The following ARFGEF1 variants were observed in gnomAD, a reference collection of about 807,000 sequenced individuals.
The protein encoded by ARFGEF1 is brefeldin A-inhibited guanine nucleotide-exchange protein 1.
Under a neutral mutation model 231.0 loss-of-function variants are expected in ARFGEF1, and 42 were observed. That is an observed-to-expected ratio of 0.18 (90% confidence interval 0.14 to 0.24). The LOEUF (loss-of-function observed/expected upper bound fraction) is 0.24, where lower values mean the gene tolerates loss of function less well. Among genes scored for constraint, ARFGEF1 ranks in the 10% least tolerant of loss-of-function variants. The pLI, the probability that ARFGEF1 is intolerant of heterozygous loss-of-function variation, is 1.00. For synonymous variants in ARFGEF1, 710 were observed against 732.3 expected, an observed-to-expected ratio of 0.97 and a Z score of 0.49; for missense variants, 1,345 against 2,192.0, an observed-to-expected ratio of 0.61 and a Z score of 7.72.
Position 67,299,315 on chromosome 8 carries a change from T to C in ARFGEF1, c.353A>G (p.Asp118Gly), listed in dbSNP as rs1293933334. ...TAATTTTTTGCCTGGTGTTGTACTA[T>C]CTGGAGCATTGCCAGTCAAGTGCCC... ...AYGHLTGNAPDSTTPGKKLID... is the reference protein window; with the variant it reads ...AYGHLTGNAPGSTTPGKKLID... The change falls in exon 4 of 39, where the codon GAT becomes GGT. Residue 118 changes from aspartate (D) to glycine (G), a missense_variant. Transcript: ENST00000262215. 8 of 1,608,528 alleles carry C rather than the reference T, an allele frequency of 5.0e-6. No homozygotes were observed. The highest frequency in any genetic ancestry group is 1.7e-5 in the Admixed American group (1 of 58,586).
intron 5 of ARFGEF1, among the ~76,000 whole-genome samples, chr8:67,186,220 T>C (rs1834532810): frequency 1.3e-5 from 2 of 152,218 alleles, no homozygotes; most frequent in Non-Finnish European, 2.9e-5. Context: ...CTGTGTTTGA[T>C]AAATGTTGTC....
chr8:67,211,712 C>T (rs1838758995), intron 33 of ARFGEF1, 97 bp from the exon 34 acceptor site: 6 of 678,284 alleles, frequency 8.8e-6, no homozygotes, highest in Admixed American at 4.1e-5. Context: ...ATATTATGTC[C>T]CTATGAAAAT....
At chr8:67,342,325 TGCTGCGG>T (rs1808676093) in intron 1 of ARFGEF1, among the ~76,000 whole-genome samples, 1 of 152,224 alleles carries the variant, frequency 6.6e-6, no homozygotes. Context: ...GGATTTTCCC[TGCTGCGG>T]GCTTCATTAC....
At chr8:67,301,500 T>A (rs1806488057) in intron 2 of ARFGEF1, 120 bp from the exon 3 acceptor site, 2 of 1,085,986 alleles carry the variant, frequency 1.8e-6, no homozygotes, top group Admixed American at 3.1e-5. Context: ...TCCTCTATCT[T>A]CCCATATTTC....
intron 1 of ARFGEF1, among the ~76,000 whole-genome samples, chr8:67,336,994 C>T (rs1035733601): frequency 2.0e-5 from 3 of 151,916 alleles, no homozygotes; most frequent in Admixed American, 1.3e-4. Flanking sequence ...CAGCCGGGCG[C>T]GGTAGCGCTA....
At chr8:67,200,576 G>T in intron 37 of ARFGEF1, 63 bp from the exon 38 acceptor site, 3 of 993,872 alleles carry the variant, frequency 3.0e-6, no homozygotes, top group Non-Finnish European at 4.6e-6. Flanking sequence ...TATTCACCGA[G>T]AAAGAGCAAT....
intron 1 of ARFGEF1, among the ~76,000 whole-genome samples, chr8:67,315,917 G>A (rs1310054613): frequency 6.6e-6 from 1 of 150,990 alleles, no homozygotes; most frequent in Middle Eastern, 3.2e-3. Flanking sequence ...TAAGAAACTA[G>A]GAAAAGCAGC....
At chr8:67,264,502 G>A (rs1333748292) in intron 14 of ARFGEF1, among the ~76,000 whole-genome samples, 2 of 152,038 alleles carry the variant, frequency 1.3e-5, no homozygotes, top group East Asian at 1.9e-4. Flanking sequence ...TTTTGGGTAG[G>A]AGAACTAAGG....
intron 29 of ARFGEF1, among the ~76,000 whole-genome samples, chr8:67,221,646 T>G (rs1839165466): frequency 1.3e-5 from 2 of 152,130 alleles, no homozygotes; most frequent in Admixed American, 6.5e-5. Flanking sequence ...TGGTTAATTT[T>G]TTACTGCAGA....
At chr8:67,183,995 G>C (rs1339474539) in intron 5 of ARFGEF1, among the ~76,000 whole-genome samples, 1 of 152,016 alleles carries the variant, frequency 6.6e-6, no homozygotes, top group Non-Finnish European at 1.5e-5. Flanking sequence ...TGGGATTACA[G>C]GCGCCTGCCA....
chr8:67,328,795 T>G (rs370902876), intron 1 of ARFGEF1, among the ~76,000 whole-genome samples: 1 of 152,118 alleles, frequency 6.6e-6, no homozygotes, highest in East Asian at 1.9e-4. Flanking sequence ...TCTTTATAAA[T>G]CAAGAATGTT....
At chr8:67,316,510 G>C (rs1187861086) in intron 1 of ARFGEF1, among the ~76,000 whole-genome samples, 1 of 151,782 alleles carries the variant, frequency 6.6e-6, no homozygotes, top group Admixed American at 6.6e-5. Context: ...GCCCAGGCTG[G>C]AGTGCAGTGG....
intron 1 of ARFGEF1, among the ~76,000 whole-genome samples, chr8:67,329,607 A>G (rs577158508): frequency 4.6e-5 from 7 of 151,130 alleles, no homozygotes; most frequent in South Asian, 4.1e-4. Flanking sequence ...AAAGAGCTAG[A>G]AAAAAAGCAA....
intron 5 of ARFGEF1, among the ~76,000 whole-genome samples, chr8:67,293,501 T>A (rs1587242340): frequency 6.6e-6 from 1 of 152,068 alleles, no homozygotes; most frequent in Non-Finnish European, 1.5e-5. Flanking sequence ...ATATTAGAAA[T>A]AAATTAATGC....
At chr8:67,231,504 T>C (rs1202235044) in intron 23 of ARFGEF1, among the ~76,000 whole-genome samples, 2 of 152,002 alleles carry the variant, frequency 1.3e-5, no homozygotes, top group Non-Finnish European at 2.9e-5. Flanking sequence ...GATAGGAAGA[T>C]AAATTAGAAC....
At chr8:67,215,926 G>A (rs1445216215) in intron 33 of ARFGEF1, among the ~76,000 whole-genome samples, 2 of 152,188 alleles carry the variant, frequency 1.3e-5, no homozygotes, top group Non-Finnish European at 2.9e-5. Flanking sequence ...AAAATAAAAA[G>A]TTTAAATACT....
intron 10 of ARFGEF1, among the ~76,000 whole-genome samples, chr8:67,270,673 T>C (rs1327543112): frequency 6.6e-6 from 1 of 150,734 alleles, no homozygotes; most frequent in Admixed American, 6.6e-5. Flanking sequence ...TTTTAAGTTT[T>C]ATTTGAAGAT....
chr8:67,230,746 T>G (rs906748935), intron 23 of ARFGEF1, among the ~76,000 whole-genome samples: 1 of 152,116 alleles, frequency 6.6e-6, no homozygotes, highest in Non-Finnish European at 1.5e-5. Context: ...ATCTCCTGCA[T>G]AGTTTAGTAA....
At chr8:67,222,637 G>A (rs1839237632) in intron 29 of ARFGEF1, among the ~76,000 whole-genome samples, 1 of 152,114 alleles carries the variant, frequency 6.6e-6, no homozygotes, top group Non-Finnish European at 1.5e-5. Flanking sequence ...TTTTAGTAGA[G>A]AAGGGGTTTC....
Sources: allele counts gnomAD v4.1 joint callset (sites outside exome capture counted in the v4.1 genomes callset), GRCh38; gene constraint gnomAD v4.1.1; transcripts MANE v1.5; gene names NCBI Gene and HGNC (gene_info 2026-07-23, HGNC 2026-07-21).